The following DOCK4 variants were observed in gnomAD, a reference collection of about 807,000 sequenced individuals.
The protein encoded by DOCK4 is dedicator of cytokinesis protein 4.
In DOCK4, 97 loss-of-function variants were observed where a neutral mutation model predicts 268.1. The ratio of observed to expected loss-of-function variants is 0.36; its 90% confidence interval spans 0.31 to 0.43. The LOEUF is 0.43. Ranked by LOEUF, DOCK4 falls within the 20% of genes least tolerant of loss-of-function variation. The pLI is 1.00. For missense variants in DOCK4, 2,145 were observed against 2,455.7 expected (o/e 0.87, Z 2.67); for synonymous variants, 954 against 887.2 (o/e 1.08, Z -1.34).
At chr7:111,852,974 T>C (rs1439720094) in intron 23 of DOCK4, among the ~76,000 whole-genome samples, 4 of 152,222 alleles carry the variant, frequency 2.6e-5, no homozygotes, top group Non-Finnish European at 5.9e-5. Context: ...AGAGGGCCGA[T>C]ACACTCATAT....
At position 112,183,079 on chromosome 7, in the gene DOCK4, C is replaced by T. The variant is rs188948551; in HGVS notation, c.37+23023G>A. On this transcript the variant is annotated intron_variant, in intron 1 of 52. Coordinates refer to ENST00000428084, the MANE Select transcript of DOCK4 (RefSeq NM_001363540.2). ...TAAACATGTAGGCCTCCCACATTGC[C>T]ACTAACCTTACAAATCAGAAGGCAG... 2.2e-3 allele frequency among the ~76,000 whole-genome samples: 332 copies of T among 152,304 alleles called. 1 individual carries two copies. Among genetic ancestry groups the T allele is most frequent in the Non-Finnish European group, 3.4e-3 (232 of 68,026 alleles).
intron 10 of DOCK4, among the ~76,000 whole-genome samples, chr7:111,944,032 G>A (rs772793095): frequency 1.3e-5 from 2 of 152,108 alleles, no homozygotes; most frequent in African/African-American, 2.4e-5. Context: ...TAGACTTAAC[G>A]GAAAAACTGT....
intron 1 of DOCK4, among the ~76,000 whole-genome samples, chr7:112,030,804 G>A (rs538331827): frequency 6.6e-5 from 10 of 152,286 alleles, no homozygotes; most frequent in African/African-American, 2.4e-4. Flanking sequence ...AATAGGCTAA[G>A]TCAGCTCCTC....
At chr7:111,822,289 G>T in intron 27 of DOCK4, 73 bp downstream of exon 27, 1 of 1,291,530 alleles carries the variant, frequency 7.7e-7, no homozygotes. Context: ...GAGATCAAAT[G>T]AAAAAGATAA....
intron 16 of DOCK4, among the ~76,000 whole-genome samples, chr7:111,895,110 A>G (rs561653343): frequency 1.5e-4 from 23 of 152,300 alleles, no homozygotes; most frequent in Admixed American, 1.2e-3. Context: ...TTTGTTGCCT[A>G]CTACAATACA....
At chr7:111,738,414 A>C (rs1252811408) in intron 49 of DOCK4, among the ~76,000 whole-genome samples, 1 of 152,226 alleles carries the variant, frequency 6.6e-6, no homozygotes, top group Non-Finnish European at 1.5e-5. Flanking sequence ...GTCTAGGCAA[A>C]GGCAAAGACT....
At chr7:111,898,383 C>T (rs1436901635) in intron 15 of DOCK4, among the ~76,000 whole-genome samples, 3 of 152,190 alleles carry the variant, frequency 2.0e-5, no homozygotes, top group Non-Finnish European at 4.4e-5. Flanking sequence ...TCCTGACTGC[C>T]CTGTGTAAAA....
At chr7:111,737,690 G>A (rs575544207) in intron 49 of DOCK4, among the ~76,000 whole-genome samples, 1 of 152,254 alleles carries the variant, frequency 6.6e-6, no homozygotes, top group East Asian at 1.9e-4. Flanking sequence ...TACTACGGCA[G>A]TGCACACTAT....
intron 8 of DOCK4, among the ~76,000 whole-genome samples, chr7:111,976,296 T>C (rs1185910804): frequency 2.5e-5 from 2 of 79,072 alleles, no homozygotes; most frequent in Non-Finnish European, 5.4e-5. Context: ...TATATATATA[T>C]ATATATATAT....
intron 1 of DOCK4, among the ~76,000 whole-genome samples, chr7:112,107,461 C>T (rs950920146): frequency 1.1e-4 from 17 of 152,158 alleles, no homozygotes; most frequent in African/African-American, 4.1e-4. Flanking sequence ...CAAGACAAAA[C>T]GAGAGGTCTC....
intron 42 of DOCK4, among the ~76,000 whole-genome samples, chr7:111,753,399 C>T (rs566391915): frequency 4.4e-4 from 67 of 152,086 alleles, no homozygotes; most frequent in African/African-American, 1.5e-3. Flanking sequence ...CACTTGAGCC[C>T]GGGAGGTCAA....
Position 111,834,569 on chromosome 7 carries a change from A to T in DOCK4, c.2835+19T>A. On this transcript the variant is annotated intron_variant, in intron 26 of 52. Transcript: ENST00000428084. ...ACCCAAAAGATATGTTAAAGAAAAC[A>T]TTTTAAAATGTCACTTACCCTTAGT... The T allele has an allele frequency of 6.6e-7, 1 of 1,507,946 alleles. No homozygotes were observed. The allele number at this position is 1,507,946 out of a possible 1,614,324, so 93.4% of individuals were successfully genotyped here.
At chr7:111,916,410 A>G (rs1219621140) in intron 12 of DOCK4, among the ~76,000 whole-genome samples, 3 of 152,222 alleles carry the variant, frequency 2.0e-5, no homozygotes, top group Admixed American at 6.5e-5. Flanking sequence ...TTCTTGAAAC[A>G]TAAGTAACAA....
At chr7:112,147,802 T>A (rs1815656770) in intron 1 of DOCK4, among the ~76,000 whole-genome samples, 1 of 33,638 alleles carries the variant, frequency 3.0e-5, no homozygotes, top group African/African-American at 1.2e-4. Context: ...TAGATTTTTT[T>A]TTTTTTTTTT....
chr7:111,837,605 A>C (rs1741804762), intron 25 of DOCK4, among the ~76,000 whole-genome samples: 1 of 152,220 alleles, frequency 6.6e-6, no homozygotes, highest in African/African-American at 2.4e-5. Flanking sequence ...CTACACACTA[A>C]AAATGAACAA....
chr7:111,747,357 T>C lies in DOCK4; in HGVS notation c.4503A>G (p.Thr1501=), dbSNP rs1796343545. 2 of 1,613,452 alleles carry C rather than the reference T, an allele frequency of 1.2e-6. No individual in the cohort carries two copies. Among genetic ancestry groups the C allele is most frequent in the African/African-American group, 1.3e-5 (1 of 74,940 alleles). Residue 1501 remains threonine, a synonymous_variant, in exon 43 of 53, where the codon ACA becomes ACG. Coordinates refer to ENST00000428084, the MANE Select transcript of DOCK4 (RefSeq NM_001363540.2). ...GGGGATTAATATTCTGCATCTGTCT[T>C]GTCTGACACTGACTAATCAGAGTCT... ...QLKTLISQCQ[T]RQMQNINPLT...
At chr7:112,127,352 C>T (rs1459638188) in intron 1 of DOCK4, among the ~76,000 whole-genome samples, 15 of 136,614 alleles carry the variant, frequency 1.1e-4, no homozygotes, top group African/African-American at 4.0e-4. Context: ...TAGGTGGGAA[C>T]TGAACAATGA....
chr7:111,976,019 C>T lies in DOCK4; in HGVS notation c.701+1113G>A, dbSNP rs189627920. ...TCTCTACTAAAAATACAAAAATTAG[C>T]TGGGCAAGCTACTCAGGAAGCTGAG... On this transcript the variant is annotated intron_variant, in intron 8 of 52. Coordinates refer to ENST00000428084, the MANE Select transcript of DOCK4 (RefSeq NM_001363540.2). Among the ~76,000 whole-genome samples, 1,039 of 147,910 alleles carry T rather than the reference C, an allele frequency of 7.0e-3. 21 individuals carry two copies. The highest frequency in any genetic ancestry group is 0.024 in the African/African-American group (976 of 39,968).
rs146425638 is a variant in DOCK4, at chr7:111,811,862, A to G, written c.3006+12T>C. 17 of 1,452,298 alleles carry G rather than the reference A, an allele frequency of 1.2e-5. No homozygotes were observed. In the African/African-American group the frequency reaches 2.3e-4, roughly 19 times the overall value. The allele number at this position is 1,452,298 out of a possible 1,614,324, so 90.0% of individuals were successfully genotyped here. ...TAGCCCAAGCAGGAGAGTCATATAA[A>G]TGAATGCTTACCTTATAATCAAAGT... On this transcript the variant is annotated intron_variant, in intron 28 of 52. Transcript: ENST00000428084.
Sources: allele counts gnomAD v4.1 joint callset (sites outside exome capture counted in the v4.1 genomes callset), GRCh38; gene constraint gnomAD v4.1.1; transcripts MANE v1.5; gene names NCBI Gene and HGNC (gene_info 2026-07-23, HGNC 2026-07-21).